DLEU7: variants seen among roughly 807,000 people sequenced by gnomAD.
The protein encoded by DLEU7 is deleted in lymphocytic leukemia 7.
DLEU7 carries 17 observed loss-of-function variants against 16.0 expected under a neutral mutation model. The observed-to-expected ratio is 1.06, with a 90% CI of 0.73 to 1.59. The LOEUF (loss-of-function observed/expected upper bound fraction) is 1.59. Among genes scored for constraint, DLEU7 ranks in the 40% most tolerant of loss-of-function variants. The pLI, the probability that DLEU7 is intolerant of heterozygous loss-of-function variation, is 0.00. For missense variants in DLEU7, 308 were observed against 314.9 expected, an observed-to-expected ratio of 0.98 and a Z score of 0.17; for synonymous variants, 113 against 139.8, an observed-to-expected ratio of 0.81 and a Z score of 1.35.
chr13:50,781,176 T>G lies in DLEU7; in HGVS notation c.459+62012A>C, dbSNP rs562123337. 9.2e-5 allele frequency among the ~76,000 whole-genome samples: 14 copies of G among 152,296 alleles called. No homozygotes were observed. In the Middle Eastern group the frequency reaches 0.01, roughly 111 times the overall value. ...TGTTGGTACTAAAACCTCTATACAC[T>G]CAGTAATTGTTGAGAATCTCAAAGT... On this transcript the variant is annotated intron_variant, in intron 1 of 1. Coordinates refer to the DLEU7 transcript ENST00000400393.
rs143188329 is a variant in DLEU7, at chr13:50,777,602, G to C, written c.460-64362C>G. Among the ~76,000 whole-genome samples, 539 of 152,278 alleles carry C rather than the reference G, an allele frequency of 3.5e-3. 1 individual carries two copies. Among genetic ancestry groups the C allele is most frequent in the Non-Finnish European group, 4.9e-3 (330 of 68,020 alleles). On this transcript the variant is annotated intron_variant, in intron 1 of 1. Coordinates refer to the DLEU7 transcript ENST00000400393. Reference sequence around the variant, plus strand: ...ATATCCTATTAGTTCTGTCCCTTTAGAGAACACTAATATAAGACTCTATCA... The same window carrying C: ...ATATCCTATTAGTTCTGTCCCTTTACAGAACACTAATATAAGACTCTATCA...
intron 1 of DLEU7, among the ~76,000 whole-genome samples, chr13:50,744,348 G>A (rs1181649793): frequency 6.6e-6 from 1 of 152,120 alleles, no homozygotes; most frequent in Non-Finnish European, 1.5e-5. Flanking sequence ...TCTTTCATTT[G>A]TCTTTTCGGT....
chr13:50,804,144 G>A (rs1876324585), intron 1 of DLEU7, among the ~76,000 whole-genome samples: 1 of 152,098 alleles, frequency 6.6e-6, no homozygotes, highest in East Asian at 1.9e-4. Flanking sequence ...ATGTCAGGTA[G>A]GGCTAGTACC....
intron 1 of DLEU7, among the ~76,000 whole-genome samples, chr13:50,757,597 C>T (rs1199868864): frequency 6.6e-6 from 1 of 152,234 alleles, no homozygotes; most frequent in East Asian, 1.9e-4. Flanking sequence ...TCCTGGCACA[C>T]TATTCGTCAT....
chr13:50,746,045 G>T (rs1874383883), intron 1 of DLEU7, among the ~76,000 whole-genome samples: 5 of 152,140 alleles, frequency 3.3e-5, no homozygotes, highest in Admixed American at 3.3e-4. Context: ...AGACAGCTGT[G>T]CTCCATCAAC....
chr13:50,843,595 G>C lies in DLEU7; in HGVS notation c.52C>G (p.Leu18Val). The C allele has an allele frequency of 6.6e-7, 1 of 1,508,728 alleles. No individual in the cohort carries two copies. The highest frequency in any genetic ancestry group is 1.2e-5 in the South Asian group (1 of 81,966). The allele number at this position is 1,508,728 out of a possible 1,614,324, so 93.5% of individuals were successfully genotyped here. A position where few individuals can be genotyped will look rare whatever the true frequency, so the allele number is the denominator to read the frequency against. Residue 18 changes from leucine to valine, a missense_variant, in exon 1 of 2, where the codon CTG becomes GTG. By Grantham distance (32) the Leu-to-Val change is conservative. Transcript: ENST00000504404. This position sits in a 1 kb window ranked among gnomAD's most constrained non-coding sequence, Gnocchi z 5.7. ...VASISHQMVALQTLQLLQQEW... is the reference protein window; with the variant it reads ...VASISHQMVAVQTLQLLQQEW... Reference sequence around the variant, plus strand: ...TGCTGCAGCAGCTGCAAGGTCTGCAGAGCCACCATTTGGTGGCTGATGGAG... The same window carrying C: ...TGCTGCAGCAGCTGCAAGGTCTGCACAGCCACCATTTGGTGGCTGATGGAG...
intron 1 of DLEU7, among the ~76,000 whole-genome samples, chr13:50,774,761 G>T (rs1268355933): frequency 6.6e-6 from 1 of 151,696 alleles, no homozygotes; most frequent in Admixed American, 6.6e-5. Flanking sequence ...CTCACTGGGG[G>T]TCTGCTAAGT....
chr13:50,727,214 CGTGT>C (rs3990136), intron 1 of DLEU7, among the ~76,000 whole-genome samples: 3 of 150,168 alleles, frequency 2.0e-5, no homozygotes, highest in East Asian at 1.9e-4. Flanking sequence ...CTCTTGCATA[CGTGT>C]GTGTGTGTGT....
At chr13:50,796,083 C>CG (rs1032407920) in intron 1 of DLEU7, among the ~76,000 whole-genome samples, 7 of 152,058 alleles carry the variant, frequency 4.6e-5, no homozygotes, top group African/African-American at 1.7e-4. Flanking sequence ...AATATTCCCC[C>CG]CTTATCTGAG....
intron 1 of DLEU7, among the ~76,000 whole-genome samples, chr13:50,727,603 C>A (rs1027588126): frequency 6.6e-6 from 1 of 152,138 alleles, no homozygotes; most frequent in African/African-American, 2.4e-5. Context: ...GAAGCTACAT[C>A]CCCCTAAGGC....
At chr13:50,780,731 C>A (rs922376395) in intron 1 of DLEU7, among the ~76,000 whole-genome samples, 2 of 152,188 alleles carry the variant, frequency 1.3e-5, no homozygotes, top group African/African-American at 4.8e-5. Flanking sequence ...AAACGAGGTA[C>A]GGCACAGGGC....
chr13:50,761,939 C>A (rs1033247368), intron 1 of DLEU7, among the ~76,000 whole-genome samples: 28 of 151,714 alleles, frequency 1.8e-4, no homozygotes, highest in Non-Finnish European at 3.5e-4. Flanking sequence ...GCCTGTAATC[C>A]CAGCACTTTG....
intron 1 of DLEU7, among the ~76,000 whole-genome samples, chr13:50,789,147 G>A (rs1486815604): frequency 3.3e-5 from 5 of 151,412 alleles, no homozygotes; most frequent in African/African-American, 4.9e-5. Context: ...TCAGTGTTTC[G>A]GAGCTCGGTG....
intron 1 of DLEU7, among the ~76,000 whole-genome samples, chr13:50,763,336 T>C (rs1216087093): frequency 6.6e-6 from 1 of 152,146 alleles, no homozygotes; most frequent in Non-Finnish European, 1.5e-5. Context: ...ATCAGTCTAG[T>C]GTGAACAGCA....
At chr13:50,816,897 C>T (rs1876752269) in intron 1 of DLEU7, among the ~76,000 whole-genome samples, 1 of 151,852 alleles carries the variant, frequency 6.6e-6, no homozygotes, top group Non-Finnish European at 1.5e-5. Flanking sequence ...ACCCCCGCCA[C>T]ACACACACAC....
At position 50,735,460 on chromosome 13, in the gene DLEU7, T is replaced by A. The variant is rs1874038284; in HGVS notation, c.460-22220A>T. 2.0e-5 allele frequency among the ~76,000 whole-genome samples: 3 copies of A among 152,048 alleles called. No homozygotes were observed. In the South Asian group the frequency reaches 6.2e-4, roughly 31 times the overall value. On this transcript the variant is annotated intron_variant, in intron 1 of 1. Transcript: ENST00000400393. ...TACCAAATTCACTCTTTGTATACTA[T>A]GGAATTAAATTAGAAATCAACAAGA...
chr13:50,786,039 G>T (rs976015734), intron 1 of DLEU7, among the ~76,000 whole-genome samples: 1 of 152,202 alleles, frequency 6.6e-6, no homozygotes, highest in Non-Finnish European at 1.5e-5. Flanking sequence ...GGCAGCCATC[G>T]TTTTGAAGCA....
At position 50,801,549 on chromosome 13, in the gene DLEU7, C is replaced by G. The variant is rs143798596; in HGVS notation, c.459+41639G>C. On this transcript the variant is annotated intron_variant, in intron 1 of 1. Coordinates refer to the DLEU7 transcript ENST00000400393. ...CTGGTTGGCATGGAAATACCTAATC[C>G]CTTTCGTTCAATGCCTTGGCCATTT... 3.5e-3 allele frequency among the ~76,000 whole-genome samples: 532 copies of G among 152,192 alleles called. 6 individuals are homozygous for G. The highest frequency in any genetic ancestry group is 2.8e-3 in the Non-Finnish European group (190 of 67,998).
intron 1 of DLEU7, among the ~76,000 whole-genome samples, chr13:50,803,672 C>G (rs1286814671): frequency 6.6e-6 from 1 of 151,976 alleles, no homozygotes; most frequent in African/African-American, 2.4e-5. Context: ...AAACATATTA[C>G]TAAAATTAAT....
Sources: allele counts gnomAD v4.1 joint callset (sites outside exome capture counted in the v4.1 genomes callset), GRCh38; gene constraint gnomAD v4.1.1; non-coding constraint Gnocchi (gnomAD v3.1); transcripts MANE v1.5; gene names NCBI Gene and HGNC (gene_info 2026-07-23, HGNC 2026-07-21).